SMU1: variants seen among roughly 807,000 people sequenced by gnomAD.
SMU1 encodes WD40 repeat-containing protein SMU1.
In SMU1, 2 loss-of-function variants were observed where a neutral mutation model predicts 62.0. That is an observed-to-expected ratio of 0.03 (90% CI 0.01 to 0.10). SMU1 has a LOEUF of 0.10. Among genes scored for constraint, SMU1 ranks in the 10% least tolerant of loss-of-function variants. The pLI is 1.00. For synonymous variants in SMU1, 188 were observed against 212.4 expected (o/e 0.89, Z 1.00); for missense variants, 227 against 622.1 (o/e 0.36, Z 6.76).
intron 1 of SMU1, 42 bp from the exon 2 acceptor site, chr9:33,073,848 C>T: frequency 1.3e-6 from 2 of 1,570,780 alleles, no homozygotes; most frequent in Non-Finnish European, 1.7e-6. Context: ...TTCTCACTCA[C>T]CAGAGGTCAA....
chr9:33,050,998 G>A (rs1270641848), intron 10 of SMU1, among the ~76,000 whole-genome samples: 1 of 112,402 alleles, frequency 8.9e-6, no homozygotes, highest in Non-Finnish European at 2.0e-5. Flanking sequence ...GCGGGCGCCT[G>A]TAGTCCCAGC....
rs111453304 is a variant in SMU1, at chr9:33,043,159, C to G, written c.*4134G>C. On this transcript the variant is annotated 3_prime_UTR_variant, in exon 12 of 12. Transcript: ENST00000397149. Reference sequence around the variant, plus strand: ...ATTGTAAGTTTTAAACAACCTCAGACCAGGGAACTTCCTCACTTGGACATA... The same window carrying G: ...ATTGTAAGTTTTAAACAACCTCAGAGCAGGGAACTTCCTCACTTGGACATA... The G allele has an allele frequency of 4.6e-5, 7 of 152,142 alleles. No homozygotes were observed. The highest frequency in any genetic ancestry group is 4.6e-4 in the Admixed American group (7 of 15,270). The allele number at this position is 152,142 out of a possible 1,614,324, so 9.4% of individuals were successfully genotyped here. A position where few individuals can be genotyped will look rare whatever the true frequency, so the allele number is the denominator to read the frequency against.
chr9:33,069,395 T>G (rs1444738600), intron 3 of SMU1, among the ~76,000 whole-genome samples: 1 of 152,246 alleles, frequency 6.6e-6, no homozygotes, highest in East Asian at 1.9e-4. Flanking sequence ...ATCCTTTCCT[T>G]TATCCTCATA....
intron 4 of SMU1, among the ~76,000 whole-genome samples, chr9:33,068,251 G>C (rs1270311219): frequency 6.6e-6 from 1 of 152,074 alleles, no homozygotes. Context: ...TCTGGCATAG[G>C]GATCAACTGT....
In SMU1 at chr9:33,043,450, T is replaced by G. The variant is rs1159021021; in HGVS notation, c.*3843A>C. The G allele has an allele frequency of 6.6e-6, 1 of 152,202 alleles. No individual in the cohort carries two copies. The highest frequency in any genetic ancestry group is 1.9e-4 in the East Asian group (1 of 5,194). 9.4% of individuals were successfully genotyped at this position (152,202 alleles called of 1,614,324 possible). On this transcript the variant is annotated 3_prime_UTR_variant, in exon 12 of 12. Coordinates refer to ENST00000397149, the MANE Select transcript of SMU1 (RefSeq NM_018225.3). ...ACGCTTGCTGGGCCCCACCACCAAT[T>G]TCTGATTCTGTAGGTCTGGGATAGG... is the stretch of plus-strand genomic sequence containing the variant.
chr9:33,076,254 G>A (rs1370649594), intron 1 of SMU1, among the ~76,000 whole-genome samples: 1 of 152,186 alleles, frequency 6.6e-6, no homozygotes, highest in Non-Finnish European at 1.5e-5. Flanking sequence ...ATCCCCTTGC[G>A]CAGATAATTA....
intron 9 of SMU1, 87 bp downstream of exon 9, chr9:33,056,026 A>C (rs1839300024): frequency 7.4e-7 from 1 of 1,359,584 alleles, no homozygotes; most frequent in African/African-American, 1.5e-5. Flanking sequence ...ACTACAGCAC[A>C]ATCATTCCCA....
chr9:33,070,183 G>GA (rs1334914482), intron 3 of SMU1, among the ~76,000 whole-genome samples: 2 of 151,930 alleles, frequency 1.3e-5, no homozygotes, highest in African/African-American at 2.4e-5. Context: ...AACTCTACGG[G>GA]AAAAAAATCT....
intron 1 of SMU1, among the ~76,000 whole-genome samples, chr9:33,076,380 G>A (rs898375870): frequency 5.1e-4 from 78 of 152,202 alleles, no homozygotes; most frequent in African/African-American, 1.9e-3. Flanking sequence ...CCTCCCTCGA[G>A]GTTTTGGGCT....
chr9:33,060,640 A>G, intron 5 of SMU1, 56 bp from the exon 6 acceptor site: 1 of 1,598,572 alleles, frequency 6.3e-7, no homozygotes, highest in Non-Finnish European at 8.5e-7. Flanking sequence ...ACTTAAAACA[A>G]TTCCTTTTTT....
At chr9:33,051,845 A>AGGAGTTCGAGACCAGCCTGACCAACTT (rs1839253299) in intron 10 of SMU1, among the ~76,000 whole-genome samples, 1 of 151,996 alleles carries the variant, frequency 6.6e-6, no homozygotes, top group African/African-American at 2.4e-5. Flanking sequence ...ACCTGAGGTC[A>AGGAGTTCGAGACCAGCCTGACCAACTT]GGAGTTCGAG....
intron 9 of SMU1, among the ~76,000 whole-genome samples, chr9:33,054,372 T>C (rs1193969176): frequency 6.6e-6 from 1 of 152,142 alleles, no homozygotes; most frequent in Non-Finnish European, 1.5e-5. Flanking sequence ...GTGGTAGGTC[T>C]AGGGTGAGGC....
At chr9:33,071,392 C>T (rs774606957) in intron 3 of SMU1, among the ~76,000 whole-genome samples, 8 of 152,134 alleles carry the variant, frequency 5.3e-5, no homozygotes, top group African/African-American at 1.4e-4. Context: ...TTGTTAGGGG[C>T]AAGACACACA....
chr9:33,061,955 T>C, intron 5 of SMU1, 94 bp downstream of exon 5: 1 of 1,347,290 alleles, frequency 7.4e-7, no homozygotes, highest in East Asian at 2.3e-5. Context: ...GTTCTCCCCC[T>C]CAATTATCCA....
At chr9:33,068,667 G>A (rs532978784) in intron 4 of SMU1, among the ~76,000 whole-genome samples, 157 bp downstream of exon 4, 6 of 152,026 alleles carry the variant, frequency 3.9e-5, no homozygotes, top group East Asian at 1.9e-4. Context: ...ACCATAACCC[G>A]CTAATTTTTT....
At chr9:33,073,569 G>C (rs371008895) in intron 2 of SMU1, 27 bp downstream of exon 2, 1 of 1,580,296 alleles carries the variant, frequency 6.3e-7, no homozygotes, top group Non-Finnish European at 8.7e-7. Context: ...ACCAACCCAT[G>C]GGGATCAGCA....
In SMU1 at chr9:33,044,047, T is replaced by C. The variant is rs1486485444; in HGVS notation, c.*3246A>G. The stretch of plus-strand genomic sequence containing the variant: ...ACTCCCAAATACCTCCGCGCAATGT[T>C]TTCCAGTCATTAATTCAACAGCAGA... On this transcript the variant is annotated 3_prime_UTR_variant, in exon 12 of 12. Coordinates refer to ENST00000397149, the MANE Select transcript of SMU1 (RefSeq NM_018225.3). The C allele has an allele frequency of 2.0e-5, 3 of 151,494 alleles. No homozygotes were observed. In the South Asian group the frequency reaches 6.3e-4, roughly 32 times the overall value. 9.4% of individuals were successfully genotyped at this position (151,494 alleles called of 1,614,324 possible). A position where few individuals can be genotyped will look rare whatever the true frequency, so the allele number is the denominator to read the frequency against.
chr9:33,044,624 T>G lies in SMU1; in HGVS notation c.*2669A>C, dbSNP rs1839163826. The stretch of plus-strand genomic sequence containing the variant: ...AGGAGTGTAAGCAGCGTGTGCCCAT[T>G]TAAAGACAAAATCAGTGTGTTTTTC... On this transcript the variant is annotated 3_prime_UTR_variant, in exon 12 of 12. Transcript: ENST00000397149. 6.6e-6 allele frequency: 1 copy of G among 152,212 alleles called. No homozygotes were observed. The highest frequency in any genetic ancestry group is 2.4e-5 in the African/African-American group (1 of 41,452). 9.4% of individuals were successfully genotyped at this position (152,212 alleles called of 1,614,324 possible).
chr9:33,056,848 G>C lies in SMU1; in HGVS notation c.984C>G (p.Asp328Glu). The change falls in exon 8 of 12, where the codon GAC becomes GAG. Residue 328 changes from aspartate to glutamate, a missense_variant. Coordinates refer to ENST00000397149, the MANE Select transcript of SMU1 (RefSeq NM_018225.3). ...GGATTTTTACTTACCTAATTGTCTG[G>C]TCAAAAGAAGCACTAAGGATCTGAC... ...DSSQILSASF[D>E]QTIRIHGLKS... is the part of the protein sequence containing the mutation. 6.2e-7 allele frequency: 1 copy of C among 1,611,740 alleles called. No homozygotes were observed. Among genetic ancestry groups the C allele is most frequent in the Non-Finnish European group, 8.5e-7 (1 of 1,179,494 alleles).
Sources: gnomAD v4.1 joint callset for allele counts (sites outside exome capture counted in the v4.1 genomes callset) on GRCh38, gnomAD v4.1.1 for gene constraint, MANE v1.5 for transcripts, NCBI Gene and HGNC (gene_info 2026-07-23, HGNC 2026-07-21) for gene names.